The following WIPF3 variants were observed in gnomAD, a reference collection of about 807,000 sequenced individuals.
WIPF3 encodes WAS/WASL interacting protein family member 3.
A neutral mutation model predicts 38.9 loss-of-function variants in WIPF3; 33 were observed. That is an observed-to-expected ratio of 0.85 (90% confidence interval 0.64 to 1.14). The LOEUF is 1.14. WIPF3 is among the 50% of genes most tolerant of loss of function. The probability of loss-of-function intolerance (pLI) is 0.00; values close to 1 mark genes in which losing one functional copy is unlikely to be tolerated. For synonymous variants in WIPF3, 324 were observed against 269.3 expected, an observed-to-expected ratio of 1.20 and a Z score of -1.99; for missense variants, 711 against 652.5, an observed-to-expected ratio of 1.09 and a Z score of -0.98.
chr7:29,881,063 C>T (rs531091534), intron 4 of WIPF3, among the ~76,000 whole-genome samples: 31 of 152,312 alleles, frequency 2.0e-4, no homozygotes, highest in Admixed American at 1.2e-3. Flanking sequence ...AAGGCTCATC[C>T]GCAGGTGTCC....
In WIPF3 at chr7:29,884,313, G is replaced by C. The variant is rs762489215; in HGVS notation, c.819G>C (p.Pro273=). The C allele has an allele frequency of 1.7e-5, 22 of 1,311,384 alleles. No homozygotes were observed. The highest frequency in any genetic ancestry group is 8.6e-5 in the Admixed American group (3 of 34,920). The allele number at this position is 1,311,384 out of a possible 1,614,324, so 81.2% of individuals were successfully genotyped here. A position where few individuals can be genotyped will look rare whatever the true frequency, so the allele number is the denominator to read the frequency against. The part of the protein sequence containing the change: ...PLPLLPPCGY[P]GLKAEPASPA... ...CTCTGCTCCCACCTTGTGGGTATCC[G>C]GGGCTCAAAGCGGAGCCCGCCAGCC... The change falls in exon 5 of 9, where the codon CCG becomes CCC. Residue 273 remains proline (P), a synonymous_variant. Transcript: ENST00000242140.
In WIPF3 at chr7:29,888,125, C is replaced by A; in HGVS notation, c.1157C>A (p.Thr386Lys). The change falls in exon 6 of 9, where the codon ACA becomes AAA. Residue 386 changes from threonine (T) to lysine (K), a missense_variant. Physicochemically the swap from Thr to Lys is moderately conservative, Grantham distance 78. Coordinates refer to ENST00000242140, the MANE Select transcript of WIPF3 (RefSeq NM_001080529.3). ...PPAPPARSPT[T>K]ELSSKSQQAT... Reference sequence around the variant, plus strand: ...GCACCCCCTGCGAGATCACCTACCACAGAGCTTTCAAGCAAGAGCCAGCAG... The same window carrying A: ...GCACCCCCTGCGAGATCACCTACCAAAGAGCTTTCAAGCAAGAGCCAGCAG... The A allele has an allele frequency of 6.2e-7, 1 of 1,613,952 alleles. No individual in the cohort carries two copies. Among genetic ancestry groups the A allele is most frequent in the Non-Finnish European group, 8.5e-7 (1 of 1,179,878 alleles).
intron 1 of WIPF3, among the ~76,000 whole-genome samples, chr7:29,830,634 AAAG>A (rs1784703575): frequency 6.6e-6 from 1 of 151,710 alleles, no homozygotes; most frequent in African/African-American, 2.4e-5. Context: ...AAAAAAAAAA[AAAG>A]AAAGAAAGAA....
At chr7:29,883,222 T>G (rs1785760383) in intron 4 of WIPF3, among the ~76,000 whole-genome samples, 1 of 152,206 alleles carries the variant, frequency 6.6e-6, no homozygotes, top group Non-Finnish European at 1.5e-5. Context: ...TTAGCATAAG[T>G]CTTTGGGAAA....
intron 3 of WIPF3, among the ~76,000 whole-genome samples, chr7:29,877,613 G>C (rs1785629662): frequency 1.3e-5 from 2 of 152,218 alleles, no homozygotes; most frequent in Non-Finnish European, 2.9e-5. Flanking sequence ...TTCAGTGTCA[G>C]GAATGATGGT....
chr7:29,846,474 G>A (rs1411665106), intron 2 of WIPF3, among the ~76,000 whole-genome samples: 1 of 152,214 alleles, frequency 6.6e-6, no homozygotes, highest in South Asian at 2.1e-4. Context: ...GCCCAGGCAG[G>A]TGGATCACCT....
intron 2 of WIPF3, among the ~76,000 whole-genome samples, chr7:29,855,747 T>C (rs958315094): frequency 1.3e-5 from 2 of 152,216 alleles, no homozygotes; most frequent in African/African-American, 4.8e-5. Flanking sequence ...TAACTCACTT[T>C]TTACAAATCA....
At chr7:29,899,221 A>G (rs1786222474) in intron 7 of WIPF3, among the ~76,000 whole-genome samples, 2 of 152,174 alleles carry the variant, frequency 1.3e-5, no homozygotes, top group Admixed American at 1.3e-4. Context: ...ACCTCCAAAT[A>G]CCATCATACT....
rs1054248423 is a variant in WIPF3, at chr7:29,869,122, C to T, written c.91-6708C>T. On this transcript the variant is annotated intron_variant, in intron 2 of 8. Transcript: ENST00000242140. ...TTGGCTCACTGCAACCTCTGCCTCC[C>T]GGGTTCAAGAGATTCTCCTGCCTCA... 2.6e-4 allele frequency among the ~76,000 whole-genome samples: 39 copies of T among 152,140 alleles called. No homozygotes were observed. In the Middle Eastern group the frequency reaches 0.014, roughly 53 times the overall value.
intron 1 of WIPF3, among the ~76,000 whole-genome samples, chr7:29,834,348 AATT>A (rs1329503341): frequency 1.3e-5 from 2 of 152,160 alleles, no homozygotes; most frequent in African/African-American, 4.8e-5. Flanking sequence ...TATCTGGAAA[AATT>A]ATTATGGAAT....
rs764445223 is a variant in WIPF3, at chr7:29,884,504, C to T, written c.1010C>T (p.Pro337Leu). The change falls in exon 5 of 9, where the codon CCG becomes CTG. Residue 337 changes from proline to leucine, a missense_variant. Physicochemically the swap from Pro to Leu is moderately conservative, Grantham distance 98. Coordinates refer to ENST00000242140, the MANE Select transcript of WIPF3 (RefSeq NM_001080529.3). ...AAATCCCCCAGCTTCCAGGCCCCAC[C>T]GCAGAAGGCCGGTGCGCAGGCCTTG... ...PPKSPSFQAP[P>L]QKAGAQALPA... The T allele has an allele frequency of 1.3e-6, 2 of 1,576,354 alleles. No individual in the cohort carries two copies. Among genetic ancestry groups the T allele is most frequent in the African/African-American group, 1.4e-5 (1 of 73,620 alleles).
intron 8 of WIPF3, chr7:29,906,044 GA>G (rs1786391175): frequency 6.6e-6 from 1 of 151,992 alleles, no homozygotes; most frequent in South Asian, 2.1e-4. Flanking sequence ...AAAACAATAA[GA>G]AAAACCAGCA....
At chr7:29,810,140 C>A (rs1168135249) in intron 1 of WIPF3, among the ~76,000 whole-genome samples, 1 of 152,158 alleles carries the variant, frequency 6.6e-6, no homozygotes, top group Non-Finnish European at 1.5e-5. Context: ...AGGCTAAGAG[C>A]TTTATATGTA....
chr7:29,889,665 C>T (rs1050837638), intron 7 of WIPF3, among the ~76,000 whole-genome samples: 1 of 152,194 alleles, frequency 6.6e-6, no homozygotes, highest in Non-Finnish European at 1.5e-5. Flanking sequence ...AAACTTACCA[C>T]TCATCTCTCT....
At chr7:29,902,461 C>T (rs1472046672) in intron 7 of WIPF3, among the ~76,000 whole-genome samples, 1 of 151,810 alleles carries the variant, frequency 6.6e-6, no homozygotes, top group Non-Finnish European at 1.5e-5. Flanking sequence ...CGTGATAGTC[C>T]AATTTAAAAA....
intron 2 of WIPF3, among the ~76,000 whole-genome samples, chr7:29,847,823 A>G (rs1268356171): frequency 6.6e-6 from 1 of 152,154 alleles, no homozygotes; most frequent in East Asian, 1.9e-4. Flanking sequence ...CTTTGGGGAA[A>G]AGGGGCTCTG....
chr7:29,843,869 G>A (rs910770848), intron 2 of WIPF3, among the ~76,000 whole-genome samples: 2 of 152,008 alleles, frequency 1.3e-5, no homozygotes, highest in Non-Finnish European at 1.5e-5. Context: ...GCCCAGGGAG[G>A]AAAAGCTCTC....
chr7:29,838,294 G>C (rs1439708169), intron 2 of WIPF3, among the ~76,000 whole-genome samples: 1 of 151,624 alleles, frequency 6.6e-6, no homozygotes, highest in Non-Finnish European at 1.5e-5. Flanking sequence ...GCAAAACTTA[G>C]TGAAATGCCC....
rs1412463896 is a variant in WIPF3, at chr7:29,884,017, C to T, written c.523C>T (p.Pro175Ser). ...GCCTCGCCCCAACGTGCCTGCCCCG[C>T]CCCCTCCCACCCCACCCCCTCCGCC... Reference protein sequence around the residue: ...APPRPNVPAPPPPTPPPPPPP... With the variant: ...APPRPNVPAPSPPTPPPPPPP... Residue 175 changes from proline to serine, a missense_variant, in exon 5 of 9, where the codon CCC becomes TCC. Physicochemically the swap from Pro to Ser is moderately conservative, Grantham distance 74. Coordinates refer to ENST00000242140, the MANE Select transcript of WIPF3 (RefSeq NM_001080529.3). The T allele has an allele frequency of 2.4e-6, 3 of 1,234,534 alleles. No individual in the cohort carries two copies. 76.5% of individuals were successfully genotyped at this position (1,234,534 alleles called of 1,614,324 possible).
Sources: gnomAD v4.1 joint callset for allele counts (sites outside exome capture counted in the v4.1 genomes callset) on GRCh38, gnomAD v4.1.1 for gene constraint, MANE v1.5 for transcripts, NCBI Gene and HGNC (gene_info 2026-07-23, HGNC 2026-07-21) for gene names.